The following C1orf21 variants were observed in gnomAD, a reference collection of about 807,000 sequenced individuals.
C1orf21 encodes the protein uncharacterized protein C1orf21.
A neutral mutation model predicts 18.7 loss-of-function variants in C1orf21; 3 were observed. That is an observed-to-expected ratio of 0.16 (90% CI 0.07 to 0.42). C1orf21 has a LOEUF of 0.42. Among genes scored for constraint, C1orf21 ranks in the 10% least tolerant of loss-of-function variants. The pLI, the probability that C1orf21 is intolerant of heterozygous loss-of-function variation, is 0.99. For missense variants in C1orf21, 104 were observed against 143.6 expected (o/e 0.72, Z 1.41); for synonymous variants, 41 against 46.4 (o/e 0.88, Z 0.47).
chr1:184,412,959 A>G (rs1156938963), intron 1 of C1orf21, among the ~76,000 whole-genome samples: 1 of 152,244 alleles, frequency 6.6e-6, no homozygotes, highest in African/African-American at 2.4e-5. Flanking sequence ...GAAAACCGAG[A>G]TATCTTCCTT....
chr1:184,397,971 T>A (rs1656088503), intron 1 of C1orf21, among the ~76,000 whole-genome samples: 1 of 152,146 alleles, frequency 6.6e-6, no homozygotes, highest in South Asian at 2.1e-4. Flanking sequence ...GTTTGTAGTA[T>A]AAATAGGGAA....
chr1:184,572,187 A>T (rs753814118), intron 3 of C1orf21, among the ~76,000 whole-genome samples: 1 of 152,234 alleles, frequency 6.6e-6, no homozygotes, highest in Non-Finnish European at 1.5e-5. Context: ...ACAAGGAATC[A>T]AAAGCTGTGT....
intron 1 of C1orf21, among the ~76,000 whole-genome samples, chr1:184,397,428 C>T (rs1031205666): frequency 1.1e-4 from 17 of 151,884 alleles, no homozygotes; most frequent in African/African-American, 3.6e-4. Context: ...CTACTAAAAA[C>T]ACAAAAAATT....
chr1:184,556,775 G>GA (rs1658885011), intron 3 of C1orf21, among the ~76,000 whole-genome samples: 1 of 152,110 alleles, frequency 6.6e-6, no homozygotes, highest in Non-Finnish European at 1.5e-5. Context: ...CTCACTTTTT[G>GA]AAAATCTGAT....
At chr1:184,597,710 C>T (rs1659535468) in intron 4 of C1orf21, among the ~76,000 whole-genome samples, 1 of 152,104 alleles carries the variant, frequency 6.6e-6, no homozygotes, top group Non-Finnish European at 1.5e-5. Flanking sequence ...TGTAATTCAT[C>T]CCTGCTGTCC....
chr1:184,509,732 G>A (rs1440222232), intron 3 of C1orf21, among the ~76,000 whole-genome samples: 2 of 151,958 alleles, frequency 1.3e-5, no homozygotes, highest in African/African-American at 2.4e-5. Flanking sequence ...AATAAGTATC[G>A]AGAAGTTCTT....
intron 1 of C1orf21, among the ~76,000 whole-genome samples, chr1:184,412,889 T>C (rs1233744890): frequency 2.6e-5 from 4 of 152,214 alleles, no homozygotes; most frequent in African/African-American, 7.2e-5. Context: ...TTCCTACAAC[T>C]GAGAGAGAAA....
chr1:184,580,623 T>A (rs1325016912), intron 3 of C1orf21, among the ~76,000 whole-genome samples: 2 of 152,258 alleles, frequency 1.3e-5, no homozygotes, highest in African/African-American at 4.8e-5. Context: ...AACCTGCTGA[T>A]TTCTTTGGGA....
At chr1:184,436,749 G>A (rs1369489026) in intron 1 of C1orf21, among the ~76,000 whole-genome samples, 1 of 152,122 alleles carries the variant, frequency 6.6e-6, no homozygotes, top group Non-Finnish European at 1.5e-5. Flanking sequence ...ACCCGTGGCA[G>A]GTATTGATTG....
intron 5 of C1orf21, chr1:184,599,517 G>A (rs937196869): frequency 2.0e-4 from 30 of 152,166 alleles, no homozygotes; most frequent in African/African-American, 6.0e-4. Context: ...TCACCAATGC[G>A]AAAAATAGAG....
chr1:184,387,890 C>T lies in C1orf21; in HGVS notation c.-125+522C>T, dbSNP rs1403952234. On this transcript the variant is annotated intron_variant, in intron 1 of 5. Transcript: ENST00000235307. This position sits in a 1 kb window ranked among gnomAD's most constrained non-coding sequence, Gnocchi z 5.6. The stretch of plus-strand genomic sequence containing the variant: ...GTGTTTGTGTGGGTGGTTTGACCCC[C>T]GGGATTTCTGAAGTTTTGACCTTTT... Among the ~76,000 whole-genome samples, 2 of 152,194 alleles carry T rather than the reference C, an allele frequency of 1.3e-5. No homozygotes were observed. The highest frequency in any genetic ancestry group is 4.1e-4 in the South Asian group (2 of 4,832).
At chr1:184,401,331 CTG>C (rs777510734) in intron 1 of C1orf21, among the ~76,000 whole-genome samples, 13 of 152,244 alleles carry the variant, frequency 8.5e-5, no homozygotes, top group Middle Eastern at 3.4e-3. Context: ...AGTGATTTTC[CTG>C]TCTCAGCCTC....
intron 1 of C1orf21, among the ~76,000 whole-genome samples, chr1:184,433,607 A>T (rs1656809384): frequency 6.6e-6 from 1 of 152,184 alleles, no homozygotes; most frequent in Non-Finnish European, 1.5e-5. Flanking sequence ...GTAATTAAAA[A>T]TTTTTTAGTT....
At chr1:184,444,368 G>A (rs573251064) in intron 1 of C1orf21, among the ~76,000 whole-genome samples, 6 of 152,106 alleles carry the variant, frequency 3.9e-5, no homozygotes, top group East Asian at 1.9e-4. Context: ...AGTTTCCACC[G>A]TACTGTTCTT....
At chr1:184,423,300 A>G (rs761708995) in intron 1 of C1orf21, among the ~76,000 whole-genome samples, 8 of 152,234 alleles carry the variant, frequency 5.3e-5, no homozygotes, top group Non-Finnish European at 8.8e-5. Flanking sequence ...ATTATAATCT[A>G]TGCAATAATG....
intron 5 of C1orf21, among the ~76,000 whole-genome samples, chr1:184,611,504 G>A (rs958890214): frequency 6.6e-6 from 1 of 152,156 alleles, no homozygotes; most frequent in African/African-American, 2.4e-5. Context: ...AGCTAGTCGT[G>A]CACAGATGCT....
intron 4 of C1orf21, among the ~76,000 whole-genome samples, chr1:184,593,331 A>G (rs1437749645): frequency 6.6e-6 from 1 of 152,172 alleles, no homozygotes; most frequent in Non-Finnish European, 1.5e-5. Flanking sequence ...AACTGTGAAC[A>G]GAACATTGGA....
chr1:184,428,096 T>G (rs751544368), intron 1 of C1orf21, among the ~76,000 whole-genome samples: 1 of 152,222 alleles, frequency 6.6e-6, no homozygotes, highest in Non-Finnish European at 1.5e-5. Flanking sequence ...AGACCCCACT[T>G]CAGTGGGTGT....
At chr1:184,517,239 A>G (rs1454312624) in intron 3 of C1orf21, among the ~76,000 whole-genome samples, 3 of 152,230 alleles carry the variant, frequency 2.0e-5, no homozygotes, top group African/African-American at 7.2e-5. Context: ...ATTCCCCTGT[A>G]GATATTCTCA....
Sources: allele counts gnomAD v4.1 joint callset (sites outside exome capture counted in the v4.1 genomes callset), GRCh38; gene constraint gnomAD v4.1.1; non-coding constraint Gnocchi (gnomAD v3.1); transcripts MANE v1.5; gene names NCBI Gene and HGNC (gene_info 2026-07-23, HGNC 2026-07-21).